Variants in CCDC3 observed in about 807,000 individuals in gnomAD.
The protein encoded by CCDC3 is coiled-coil domain containing 3.
Under a neutral mutation model 21.4 loss-of-function variants are expected in CCDC3, and 24 were observed. That is an observed-to-expected ratio of 1.12 (90% CI 0.81 to 1.58). CCDC3 has a LOEUF of 1.58. Among genes scored for constraint, CCDC3 ranks in the 40% most tolerant of loss-of-function variants. CCDC3 has a pLI of 0.00. For missense variants in CCDC3, 425 were observed against 360.9 expected, an observed-to-expected ratio of 1.18 and a Z score of -1.44; for synonymous variants, 186 against 166.0, an observed-to-expected ratio of 1.12 and a Z score of -0.93.
intron 4 of CCDC3, among the ~76,000 whole-genome samples, chr10:13,072,867 C>T (rs200083359): frequency 0.01 from 1,194 of 117,964 alleles, 81 homozygotes; most frequent in East Asian, 0.016. Context: ...TCTTTTCTTT[C>T]TTTTTTTTTT....
At chr10:13,048,339 GCA>G (rs1836557181) in intron 5 of CCDC3, among the ~76,000 whole-genome samples, 5 of 151,738 alleles carry the variant, frequency 3.3e-5, no homozygotes, top group African/African-American at 4.8e-5. Context: ...CTACAGGTGC[GCA>G]CCACCACACC....
At chr10:12,901,403 G>A (rs561314379) in intron 2 of CCDC3, among the ~76,000 whole-genome samples, 2 of 152,092 alleles carry the variant, frequency 1.3e-5, no homozygotes, top group Non-Finnish European at 2.9e-5. Context: ...CTGAGTAGTA[G>A]CTGGGACTAC....
intron 2 of CCDC3, among the ~76,000 whole-genome samples, chr10:12,969,782 G>A (rs1835315019): frequency 1.3e-5 from 2 of 148,424 alleles, no homozygotes; most frequent in South Asian, 2.1e-4. Flanking sequence ...AAAAAAAAAA[G>A]AGGAAATCCT....
chr10:13,013,890 C>T (rs564592644), intron 5 of CCDC3, among the ~76,000 whole-genome samples: 11 of 152,314 alleles, frequency 7.2e-5, no homozygotes, highest in African/African-American at 1.9e-4. Context: ...GTGGCTCACA[C>T]CTGTAATCCC....
At chr10:12,899,402 C>T (rs1007085621) in intron 2 of CCDC3, among the ~76,000 whole-genome samples, 7 of 152,062 alleles carry the variant, frequency 4.6e-5, no homozygotes, top group Admixed American at 4.6e-4. Context: ...CTATAAAGAC[C>T]AATCTGGCTC....
chr10:12,950,786 C>T (rs1244743683), intron 2 of CCDC3, among the ~76,000 whole-genome samples: 2 of 152,130 alleles, frequency 1.3e-5, no homozygotes, highest in Admixed American at 6.5e-5. Flanking sequence ...TAGAGAAAGG[C>T]GTCATGACAC....
upstream of CCDC3, among the ~76,000 whole-genome samples, chr10:13,005,639 G>A (rs74765642): frequency 0.027 from 4,128 of 152,222 alleles, 219 homozygotes; most frequent in African/African-American, 0.094. Context: ...AGAGTTTTGT[G>A]CTGTGATTTT....
In CCDC3 at chr10:12,898,420, C is replaced by A. The variant is rs371928201; in HGVS notation, c.809G>T (p.Gly270Val). The change falls in exon 3 of 3, where the codon GGG becomes GTG. Residue 270 changes from glycine to valine, a missense_variant. Gly to Val is a moderately radical substitution (Grantham distance 109, BLOSUM62 -3). Coordinates refer to ENST00000378825, the MANE Select transcript of CCDC3 (RefSeq NM_031455.4). ...ACCTGGCAGCCCCCAGGCCCGTTAC[C>A]CCCGCAGGTAGGGGGGGCGCACGGG... is the stretch of plus-strand genomic sequence containing the variant. ...RGPVRPPYLR[G>V] is the part of the protein sequence containing the mutation. 38 of 1,598,724 alleles carry A rather than the reference C, an allele frequency of 2.4e-5. No homozygotes were observed. The South Asian group carries it at 2.9e-4, about 12-fold the overall frequency.
In CCDC3 at chr10:12,988,386, G is replaced by A. The variant is rs527638684; in HGVS notation, c.549+9952C>T. ...TTTGAGACAGAGTCTCGTTCTTGTC[G>A]CCCAGGCTGGAGTACAGTAGTGCAA... On this transcript the variant is annotated intron_variant, in intron 2 of 2. Transcript: ENST00000378825. Among the ~76,000 whole-genome samples the A allele has an allele frequency of 5.3e-5, 8 of 151,484 alleles. No individual in the cohort carries two copies. In the South Asian group the frequency reaches 6.3e-4, roughly 12 times the overall value.
chr10:12,923,780 G>A (rs375955600), intron 2 of CCDC3, among the ~76,000 whole-genome samples: 6 of 152,110 alleles, frequency 3.9e-5, no homozygotes, highest in Non-Finnish European at 5.9e-5. Context: ...GCAGGTACTC[G>A]GTACATTTTA....
intron 4 of CCDC3, among the ~76,000 whole-genome samples, chr10:13,067,392 T>C (rs1188169520): frequency 6.1e-5 from 2 of 32,934 alleles, no homozygotes; most frequent in African/African-American, 7.0e-4. Context: ...AAGTGAGAGG[T>C]TTTTTTTTTC....
chr10:13,038,411 G>C (rs1443687339), intron 5 of CCDC3, among the ~76,000 whole-genome samples: 2 of 151,178 alleles, frequency 1.3e-5, no homozygotes, highest in Non-Finnish European at 2.9e-5. Flanking sequence ...GAAGACCTGA[G>C]TTCTGCTCTC....
Position 12,989,764 on chromosome 10 carries a change from G to A in CCDC3, c.549+8574C>T, listed in dbSNP as rs577779698. On this transcript the variant is annotated intron_variant, in intron 2 of 2. Coordinates refer to ENST00000378825, the MANE Select transcript of CCDC3 (RefSeq NM_031455.4). ...AGTCCATGAGATCAAAACTATTTTC[G>A]GAATACTACTAAGATGTTATTTATT... Among the ~76,000 whole-genome samples the A allele has an allele frequency of 6.6e-5, 10 of 152,130 alleles. 1 individual carries two copies. Among genetic ancestry groups the A allele is most frequent in the African/African-American group, 2.2e-4 (9 of 41,496 alleles).
At chr10:12,929,921 A>C (rs1350544781) in intron 2 of CCDC3, among the ~76,000 whole-genome samples, 1 of 152,220 alleles carries the variant, frequency 6.6e-6, no homozygotes, top group African/African-American at 2.4e-5. Context: ...TATTAATATA[A>C]CAGAAGGCAC....
At chr10:12,901,915 G>A (rs1834099431) in intron 2 of CCDC3, among the ~76,000 whole-genome samples, 1 of 152,194 alleles carries the variant, frequency 6.6e-6, no homozygotes, top group South Asian at 2.1e-4. Flanking sequence ...CCCGCCTGGA[G>A]CACTGTTCTC....
chr10:12,983,802 G>T lies in CCDC3; in HGVS notation c.549+14536C>A, dbSNP rs1025373694. On this transcript the variant is annotated intron_variant, in intron 2 of 2. Transcript: ENST00000378825. The stretch of plus-strand genomic sequence containing the variant: ...TGCAAATTAAAGCCACACTGAGGCT[G>T]GGCGCAATGACTCATGCCTGTAATC... 2.6e-5 allele frequency among the ~76,000 whole-genome samples: 4 copies of T among 152,088 alleles called. No individual in the cohort carries two copies. The South Asian group carries it at 8.3e-4, about 32-fold the overall frequency.
At chr10:13,027,250 C>T (rs959756632) in intron 5 of CCDC3, among the ~76,000 whole-genome samples, 11 of 152,160 alleles carry the variant, frequency 7.2e-5, no homozygotes, top group Non-Finnish European at 1.3e-4. Context: ...CACTAACAGA[C>T]GTTTCTCAGA....
In CCDC3 at chr10:13,059,205, G is replaced by A. The variant is rs571903282; in HGVS notation, c.-269-9264C>T. On this transcript the variant is annotated intron_variant, in intron 4 of 6. Transcript: ENST00000378839. ...TCTTTTCTGTTCCCTTCTCCTGTCCGGGTGACGCCAAGGCAACCTTGGAAG... is the reference window on the plus strand; with the variant it reads ...TCTTTTCTGTTCCCTTCTCCTGTCCAGGTGACGCCAAGGCAACCTTGGAAG... Among the ~76,000 whole-genome samples, 6 of 152,202 alleles carry A rather than the reference G, an allele frequency of 3.9e-5. No homozygotes were observed. In the South Asian group the frequency reaches 1.0e-3, roughly 26 times the overall value.
At chr10:13,080,181 A>G (rs1237020866) in intron 3 of CCDC3, among the ~76,000 whole-genome samples, 2 of 152,108 alleles carry the variant, frequency 1.3e-5, no homozygotes, top group African/African-American at 4.8e-5. Context: ...GGAGAGAGGA[A>G]ACGGGATGGC....
Sources: allele counts gnomAD v4.1 joint callset (sites outside exome capture counted in the v4.1 genomes callset), GRCh38; gene constraint gnomAD v4.1.1; transcripts MANE v1.5; gene names NCBI Gene and HGNC (gene_info 2026-07-23, HGNC 2026-07-21).